Variants in PSCA observed in about 807,000 individuals in gnomAD.
The protein encoded by PSCA is prostate stem cell antigen.
In PSCA, 7 loss-of-function variants were observed where a neutral mutation model predicts 7.9. That is an observed-to-expected ratio of 0.89 (90% CI 0.51 to 1.67). PSCA has a LOEUF of 1.67. Ranked by LOEUF, PSCA falls within the 40% of genes most tolerant of loss-of-function variation. PSCA has a pLI of 0.00. For missense variants in PSCA, 151 were observed against 147.9 expected, an observed-to-expected ratio of 1.02 and a Z score of -0.11; for synonymous variants, 61 against 68.3, an observed-to-expected ratio of 0.89 and a Z score of 0.53.
chr8:142,672,116 C>G (rs899219561), intron 1 of PSCA, among the ~76,000 whole-genome samples: 3 of 152,198 alleles, frequency 2.0e-5, no homozygotes, highest in Non-Finnish European at 4.4e-5. Context: ...TCCTCCAGCC[C>G]AGCCTTGCTC....
At chr8:142,681,568 C>A in intron 2 of PSCA, 134 bp downstream of exon 2, 1 of 746,160 alleles carries the variant, frequency 1.3e-6, no homozygotes, top group Non-Finnish European at 2.3e-6. Flanking sequence ...GCACCCCCAA[C>A]AATCACCCAG....
At position 142,682,045 on chromosome 8, in the gene PSCA, C is replaced by T. The variant is rs587621955; in HGVS notation, c.258C>T (p.Ser86=). Residue 86 remains serine (S), a synonymous_variant, in exon 3 of 3, where the codon AGC becomes AGT. Coordinates refer to ENST00000301258, the MANE Select transcript of PSCA (RefSeq NM_005672.5). ...TCCDTDLCNA[S]GAHALQPAAA... is the part of the protein sequence containing the mutation. Reference sequence around the variant, plus strand: ...GTGACACCGACTTGTGCAACGCCAGCGGGGCCCATGCCCTGCAGCCGGCTG... The same window carrying T: ...GTGACACCGACTTGTGCAACGCCAGTGGGGCCCATGCCCTGCAGCCGGCTG... 11 of 1,612,196 alleles carry T rather than the reference C, an allele frequency of 6.8e-6. No individual in the cohort carries two copies. Among genetic ancestry groups the T allele is most frequent in the Admixed American group, 1.7e-5 (1 of 60,006 alleles).
At chr8:142,672,652 CA>C (rs1307075628) in intron 1 of PSCA, among the ~76,000 whole-genome samples, 2 of 152,204 alleles carry the variant, frequency 1.3e-5, no homozygotes, top group South Asian at 4.1e-4. Flanking sequence ...TTCATTGTCT[CA>C]CACCAAGAAG....
At chr8:142,680,442 T>G (rs1587546647), upstream of PSCA, 5 of 1,447,628 alleles carry the variant, frequency 3.5e-6, no homozygotes, top group Middle Eastern at 2.0e-4. Context: ...CTGTGGGCAG[T>G]CCAGCCTCTC....
chr8:142,680,393 C>T (rs193112748), upstream of PSCA: 47 of 914,788 alleles, frequency 5.1e-5, no homozygotes, highest in Middle Eastern at 6.5e-4. Flanking sequence ...TGCCCAGCCC[C>T]GGGGCCCTCA....
At position 142,682,176 on chromosome 8, in the gene PSCA, C is replaced by T. The variant is rs1477030727; in HGVS notation, c.*44C>T. The T allele has an allele frequency of 2.2e-5, 35 of 1,560,532 alleles. No homozygotes were observed. The highest frequency in any genetic ancestry group is 5.4e-5 in the Admixed American group (3 of 55,504). On this transcript the variant is annotated 3_prime_UTR_variant, in exon 3 of 3. Transcript: ENST00000301258. ...GCAGCCCACACTGGGTGTGGTGCCC[C>T]AGGCCTCTGTGCCACTCCTCACACA...
intron 1 of PSCA, chr8:142,680,886 T>G: frequency 1.9e-6 from 1 of 528,070 alleles, no homozygotes; most frequent in South Asian, 2.4e-5. Flanking sequence ...GATGAGGAGC[T>G]GGGAGACATG....
intron 1 of PSCA, chr8:142,680,788 C>G: frequency 1.6e-6 from 1 of 616,830 alleles, no homozygotes. Context: ...AGGGGCAGCA[C>G]GGAGTCACTC....
chr8:142,674,452 G>A (rs73714661), intron 1 of PSCA, among the ~76,000 whole-genome samples: 7,461 of 149,382 alleles, frequency 0.05, 380 homozygotes, highest in African/African-American at 0.13. Flanking sequence ...TCAGCAGAGC[G>A]CAGATCCCCT....
chr8:142,671,631 A>T (rs1391808454), intron 1 of PSCA, among the ~76,000 whole-genome samples: 1 of 152,092 alleles, frequency 6.6e-6, no homozygotes, highest in East Asian at 1.9e-4. Context: ...TCCTCACCGC[A>T]GCTTCAACCT....
chr8:142,671,329 C>A (rs1381014881), intron 1 of PSCA, among the ~76,000 whole-genome samples: 1 of 152,190 alleles, frequency 6.6e-6, no homozygotes, highest in Non-Finnish European at 1.5e-5. Flanking sequence ...GGACTATGAG[C>A]GGCTTCTAGT....
Position 142,682,100 on chromosome 8 carries a change from G to T in PSCA, c.313G>T (p.Gly105Cys), listed in dbSNP as rs782076248. 6.2e-7 allele frequency: 1 copy of T among 1,604,090 alleles called. No individual in the cohort carries two copies. Among genetic ancestry groups the T allele is most frequent in the Non-Finnish European group, 8.5e-7 (1 of 1,179,342 alleles). Reference protein sequence around the residue: ...AAILALLPALGLLLWGPGQL With the variant: ...AAILALLPALCLLLWGPGQL ...CATCCTTGCGCTGCTCCCTGCACTC[G>T]GCCTGCTGCTCTGGGGACCCGGCCA... The change falls in exon 3 of 3, where the codon GGC (glycine) becomes TGC (cysteine). Residue 105 changes from glycine to cysteine, a missense_variant. Gly to Cys is a radical substitution (Grantham distance 159). Coordinates refer to ENST00000301258, the MANE Select transcript of PSCA (RefSeq NM_005672.5).
chr8:142,680,382 C>T (rs1400421492), upstream of PSCA: 5 of 788,560 alleles, frequency 6.3e-6, no homozygotes, highest in Admixed American at 2.3e-5. Flanking sequence ...AGACTCGGAC[C>T]TGCCCAGCCC....
chr8:142,681,193 A>G, intron 1 of PSCA, 134 bp from the exon 2 acceptor site: 1 of 626,400 alleles, frequency 1.6e-6, no homozygotes, highest in Non-Finnish European at 2.8e-6. Context: ...GATGGGGAGG[A>G]GACATTGAGG....
intron 1 of PSCA, chr8:142,680,834 G>C (rs1162473075): frequency 1.0e-5 from 6 of 577,536 alleles, no homozygotes; most frequent in Middle Eastern, 4.6e-4. Flanking sequence ...TGGCTCCTAG[G>C]GGGCAGGTAG....
chr8:142,680,692 T>G, intron 1 of PSCA, 129 bp downstream of exon 1: 1 of 1,262,210 alleles, frequency 7.9e-7, no homozygotes, highest in Non-Finnish European at 1.1e-6. Context: ...GTGAGGCTCT[T>G]GCCCTAGCCT....
At chr8:142,674,298 G>A (rs1443284992) in intron 1 of PSCA, among the ~76,000 whole-genome samples, 1 of 129,234 alleles carries the variant, frequency 7.7e-6, no homozygotes, top group African/African-American at 3.2e-5. Context: ...GCTGGGAATC[G>A]TTTCAGTCTA....
chr8:142,680,563 G>C lies in PSCA; in HGVS notation c.25G>C (p.Gly9Arg), dbSNP rs782275900. 1.2e-5 allele frequency: 18 copies of C among 1,554,148 alleles called. No individual in the cohort carries two copies. The East Asian group carries it at 4.1e-4, about 36-fold the overall frequency. MAGLALQP[G>R]TALLCYSCKA... ...GATGGCAGGCTTGGCCCTGCAGCCA[G>C]GTGAGGCCTTGGCTGGCCCCCAGCA... is the stretch of plus-strand genomic sequence containing the variant. The change falls in exon 1 of 3, where the codon GGC becomes CGC. Residue 9 changes from glycine (G) to arginine (R), a missense_variant and splice_region_variant. By Grantham distance (125) the Gly-to-Arg change is moderately radical. Coordinates refer to ENST00000301258, the MANE Select transcript of PSCA (RefSeq NM_005672.5).
upstream of PSCA, chr8:142,680,420 C>T (rs587704097): frequency 9.1e-5 from 117 of 1,287,472 alleles, 1 homozygote; most frequent in South Asian, 8.7e-4. Flanking sequence ...CCAGGAAACC[C>T]GCTGGTGTTG....
Sources: allele counts gnomAD v4.1 joint callset (sites outside exome capture counted in the v4.1 genomes callset), GRCh38; gene constraint gnomAD v4.1.1; transcripts MANE v1.5; gene names NCBI Gene and HGNC (gene_info 2026-07-23, HGNC 2026-07-21).